The following HEXB variants were observed in gnomAD, a reference collection of about 807,000 sequenced individuals.
HEXB encodes hexosaminidase subunit beta.
HEXB carries 51 observed loss-of-function variants against 71.2 expected under a neutral mutation model. The observed-to-expected ratio is 0.72, with a 90% CI of 0.57 to 0.90. HEXB has a LOEUF of 0.90. HEXB is among the 40% of genes least tolerant of loss of function. HEXB has a pLI of 0.00. For synonymous variants in HEXB, 266 were observed against 249.3 expected (o/e 1.07, Z -0.63); for missense variants, 617 against 677.0 (o/e 0.91, Z 0.98).
intron 6 of HEXB, among the ~76,000 whole-genome samples, chr5:74,713,171 C>CA (rs1749590486): frequency 6.6e-6 from 1 of 152,194 alleles, no homozygotes; most frequent in South Asian, 2.1e-4. Flanking sequence ...CTGATGGAGA[C>CA]AGATATTTCT....
intron 5 of HEXB, among the ~76,000 whole-genome samples, chr5:74,699,269 C>T (rs1039623979): frequency 6.6e-6 from 1 of 151,822 alleles, no homozygotes. Context: ...TGCTACCCCC[C>T]ACCCCCTTTT....
At chr5:74,711,077 C>A (rs1359508613) in intron 6 of HEXB, among the ~76,000 whole-genome samples, 1 of 149,956 alleles carries the variant, frequency 6.7e-6, no homozygotes, top group African/African-American at 2.5e-5. Flanking sequence ...GTACTGGTAC[C>A]AAAACAGAGA....
chr5:74,694,420 A>G (rs545656085), intron 3 of HEXB, among the ~76,000 whole-genome samples: 1 of 152,316 alleles, frequency 6.6e-6, no homozygotes, highest in Admixed American at 6.5e-5. Flanking sequence ...CTAAGTTTGT[A>G]TAAGGAACAG....
At chr5:74,654,178 G>T (rs976504522) in intron 1 of HEXB, among the ~76,000 whole-genome samples, 1 of 150,512 alleles carries the variant, frequency 6.6e-6, no homozygotes, top group Admixed American at 6.7e-5. Context: ...CTGGAATGTG[G>T]CTCACTGAAA....
chr5:74,683,006 A>G (rs1748767998), upstream of HEXB, among the ~76,000 whole-genome samples: 1 of 152,248 alleles, frequency 6.6e-6, no homozygotes, highest in Non-Finnish European at 1.5e-5. Flanking sequence ...TGCAGAGCAG[A>G]CAGCCAGGCA....
chr5:74,687,888 C>T (rs1378449690), intron 1 of HEXB, among the ~76,000 whole-genome samples: 1 of 152,110 alleles, frequency 6.6e-6, no homozygotes, highest in African/African-American at 2.4e-5. Context: ...CCGACCTCTT[C>T]TGCAAAAAAG....
chr5:74,646,570 T>A (rs1748004825), intron 1 of HEXB, among the ~76,000 whole-genome samples: 1 of 136,858 alleles, frequency 7.3e-6, no homozygotes, highest in Non-Finnish European at 1.6e-5. Flanking sequence ...CAATTCATTC[T>A]TTTTTTTTTT....
Position 74,715,642 on chromosome 5 carries a change from C to T in HEXB, c.1034C>T (p.Pro345Leu), listed in dbSNP as rs1169634112. 7 of 1,610,054 alleles carry T rather than the reference C, an allele frequency of 4.3e-6. No homozygotes were observed. Among genetic ancestry groups the T allele is most frequent in the African/African-American group, 1.3e-5 (1 of 74,714 alleles). The stretch of plus-strand genomic sequence containing the variant: ...TTCAAAGAAATTAGTGAGGTGTTTC[C>T]AGATCAATTCATTCATTTGGGAGGA... ...TFFKEISEVF[P>L]DQFIHLGGDE... Residue 345 changes from proline to leucine, a missense_variant, in exon 8 of 14, where the codon CCA (proline) becomes CTA (leucine). Pro to Leu is a moderately conservative substitution (Grantham distance 98, BLOSUM62 -3). Transcript: ENST00000261416.
chr5:74,666,054 A>G (rs140883403), intron 1 of HEXB, among the ~76,000 whole-genome samples: 1 of 152,252 alleles, frequency 6.6e-6, no homozygotes, highest in African/African-American at 2.4e-5. Context: ...CTTATTACAG[A>G]GAACTGTTTT....
chr5:74,702,371 C>T (rs1235981655), intron 5 of HEXB, among the ~76,000 whole-genome samples: 2 of 152,126 alleles, frequency 1.3e-5, no homozygotes, highest in Admixed American at 1.3e-4. Flanking sequence ...AGCCACCGCG[C>T]CCGGCCTCCT....
chr5:74,648,806 A>G (rs552470701), intron 1 of HEXB, among the ~76,000 whole-genome samples: 1 of 152,322 alleles, frequency 6.6e-6, no homozygotes, highest in East Asian at 1.9e-4. Flanking sequence ...CATGTGTGTT[A>G]TTATGGACAA....
chr5:74,711,477 C>G (rs982238276), intron 6 of HEXB, among the ~76,000 whole-genome samples: 5 of 152,160 alleles, frequency 3.3e-5, no homozygotes, highest in Non-Finnish European at 5.9e-5. Flanking sequence ...GGAAAAGAAA[C>G]TACCATCAGA....
intron 1 of HEXB, chr5:74,640,927 C>G (rs1242019907): frequency 1.3e-5 from 2 of 152,294 alleles, no homozygotes; most frequent in African/African-American, 2.4e-5. Flanking sequence ...GGAGAGGAAG[C>G]GGGAGAGGGG....
chr5:74,696,344 A>C (rs1225523471), intron 3 of HEXB, among the ~76,000 whole-genome samples: 1 of 152,218 alleles, frequency 6.6e-6, no homozygotes, highest in African/African-American at 2.4e-5. Flanking sequence ...ATTTGATTAT[A>C]AAAATTCTTT....
intron 1 of HEXB, among the ~76,000 whole-genome samples, chr5:74,653,627 T>C (rs149381364): frequency 3.3e-5 from 5 of 152,162 alleles, no homozygotes; most frequent in African/African-American, 9.7e-5. Flanking sequence ...GGTGCTTTCA[T>C]AGGAGTTGTG....
At chr5:74,679,990 A>G (rs80186841) in intron 1 of HEXB, among the ~76,000 whole-genome samples, 26,179 of 152,030 alleles carry the variant, frequency 0.17, 2,378 homozygotes, top group East Asian at 0.27. Flanking sequence ...ATATTTTAAC[A>G]GTATGACTGA....
chr5:74,670,945 G>A (rs1330174604), intron 1 of HEXB, among the ~76,000 whole-genome samples: 2 of 152,302 alleles, frequency 1.3e-5, no homozygotes, highest in South Asian at 2.1e-4. Context: ...CAGAATGCAG[G>A]CCGGGTGCAG....
intron 2 of HEXB, among the ~76,000 whole-genome samples, chr5:74,690,986 A>G: frequency 6.6e-6 from 1 of 152,202 alleles, no homozygotes; most frequent in Admixed American, 6.5e-5. Flanking sequence ...TTGCCAAGGA[A>G]TCTTTGCTGT....
At chr5:74,659,417 G>A (rs550884109) in intron 1 of HEXB, among the ~76,000 whole-genome samples, 1 of 152,196 alleles carries the variant, frequency 6.6e-6, no homozygotes, top group Non-Finnish European at 1.5e-5. Flanking sequence ...AGGAGACAAG[G>A]CCACTTGTCT....
Sources: gnomAD v4.1 joint callset for allele counts (sites outside exome capture counted in the v4.1 genomes callset) on GRCh38, gnomAD v4.1.1 for gene constraint, MANE v1.5 for transcripts, NCBI Gene and HGNC (gene_info 2026-07-23, HGNC 2026-07-21) for gene names.